PTPRT: variants seen among roughly 807,000 people sequenced by gnomAD.
PTPRT encodes the protein protein tyrosine phosphatase receptor type T.
PTPRT carries 56 observed loss-of-function variants against 176.8 expected under a neutral mutation model. That is an observed-to-expected ratio of 0.32 (90% CI 0.26 to 0.40). The LOEUF (loss-of-function observed/expected upper bound fraction) is 0.40, where lower values mean the gene tolerates loss of function less well. PTPRT is among the 10% of genes least tolerant of loss of function. The probability of loss-of-function intolerance (pLI) is 1.00; values close to 1 mark genes in which losing one functional copy is unlikely to be tolerated. For synonymous variants in PTPRT, 783 were observed against 739.0 expected, an observed-to-expected ratio of 1.06 and a Z score of -0.96; for missense variants, 1,540 against 1,908.2, an observed-to-expected ratio of 0.81 and a Z score of 3.60.
At chr20:42,507,853 CTT>C (rs5841463) in intron 7 of PTPRT, among the ~76,000 whole-genome samples, 35 of 139,132 alleles carry the variant, frequency 2.5e-4, no homozygotes, top group African/African-American at 6.6e-4. Flanking sequence ...ACTCACAGGA[CTT>C]TTTTTTTTTT....
chr20:42,038,306 G>A, the PTPRT span, among the ~76,000 whole-genome samples: 1 of 152,162 alleles, frequency 6.6e-6, no homozygotes, highest in Non-Finnish European at 1.5e-5. Context: ...AACCTAGAGT[G>A]TAATATAAGT....
intron 7 of PTPRT, among the ~76,000 whole-genome samples, chr20:42,583,487 TTGTCATGGCTGAACACTGACCTTCCAC>T (rs966512623): frequency 5.3e-5 from 8 of 152,154 alleles, no homozygotes; most frequent in African/African-American, 1.7e-4. Context: ...ACATTGGGCC[TTGTCATGGCTGAACACTGACCTTCCAC>T]TGTCATGGCT....
At chr20:42,965,393 T>A (rs936895485) in intron 1 of PTPRT, among the ~76,000 whole-genome samples, 3 of 152,174 alleles carry the variant, frequency 2.0e-5, no homozygotes, top group Admixed American at 6.5e-5. Flanking sequence ...ACAATAGACA[T>A]GAATAACCTC....
At chr20:42,184,575 T>TCTG (rs1555797986) in intron 16 of PTPRT, among the ~76,000 whole-genome samples, 98 of 138,968 alleles carry the variant, frequency 7.1e-4, no homozygotes, top group African/African-American at 2.6e-3. Context: ...TTCTTCTTCT[T>TCTG]CTTCTTCTTC....
At chr20:42,979,070 CTA>C (rs1444456109) in intron 1 of PTPRT, among the ~76,000 whole-genome samples, 1 of 152,132 alleles carries the variant, frequency 6.6e-6, no homozygotes, top group Non-Finnish European at 1.5e-5. Context: ...TGAAATAACA[CTA>C]TTGTTTAAAT....
intron 16 of PTPRT, among the ~76,000 whole-genome samples, chr20:42,166,822 G>A (rs1469234083): frequency 6.6e-6 from 1 of 152,118 alleles, no homozygotes; most frequent in Non-Finnish European, 1.5e-5. Flanking sequence ...TTGGGAGGCT[G>A]AGGCAGGGGA....
chr20:42,874,834 T>C (rs909522346), intron 2 of PTPRT, among the ~76,000 whole-genome samples: 1 of 152,220 alleles, frequency 6.6e-6, no homozygotes, highest in Non-Finnish European at 1.5e-5. Flanking sequence ...TTAAAAGACA[T>C]AGTGGTTTAT....
At chr20:42,282,285 T>C (rs2057152789) in intron 13 of PTPRT, among the ~76,000 whole-genome samples, 1 of 152,198 alleles carries the variant, frequency 6.6e-6, no homozygotes, top group Admixed American at 6.6e-5. Flanking sequence ...TCAGTAAATA[T>C]GTTTTAAACT....
At chr20:42,135,338 A>G (rs1276502988) in intron 18 of PTPRT, among the ~76,000 whole-genome samples, 1 of 152,268 alleles carries the variant, frequency 6.6e-6, no homozygotes, top group Non-Finnish European at 1.5e-5. Context: ...TAACACAACT[A>G]TATAAATTCA....
At position 42,199,371 on chromosome 20, in the gene PTPRT, T is replaced by C. The variant is rs1349766369; in HGVS notation, c.2360A>G (p.Gln787Arg). 1.9e-6 allele frequency: 3 copies of C among 1,613,774 alleles called. No homozygotes were observed. The Admixed American group carries it at 5.0e-5, about 27-fold the overall frequency. ...CTGGGCTCCACTCTGGGTCTCCTTC[T>C]GCTTCTTGGCCAGCTTCCTTTGGGA... ...YSYYLKLAKK[Q>R]KETQSGAQRE... The change falls in exon 16 of 31, where the codon CAG becomes CGG. Residue 787 changes from glutamine (Q) to arginine (R), a missense_variant. Transcript: ENST00000373187.
intron 9 of PTPRT, among the ~76,000 whole-genome samples, chr20:42,428,427 T>A (rs1282020676): frequency 6.6e-6 from 1 of 152,264 alleles, no homozygotes; most frequent in East Asian, 1.9e-4. Context: ...CATTTTGACA[T>A]TTCTGTGCAG....
At chr20:42,646,973 C>A in intron 7 of PTPRT, among the ~76,000 whole-genome samples, 1 of 139,108 alleles carries the variant, frequency 7.2e-6, no homozygotes, top group Non-Finnish European at 1.5e-5. Flanking sequence ...TGGTTCACTG[C>A]AGCCTTAATC....
chr20:42,074,733 A>G lies in PTPRT; in HGVS notation c.*6146T>C, dbSNP rs1420230202. ...GCCTCCTTTTAGAGACCTAACATTC[A>G]TGAGTGGATTTCAGTTGGTGAATGC... is the stretch of plus-strand genomic sequence containing the variant. On this transcript the variant is annotated 3_prime_UTR_variant, in exon 31 of 31. Transcript: ENST00000373187. 1.5e-5 allele frequency: 6 copies of G among 398,468 alleles called. No homozygotes were observed. The highest frequency in any genetic ancestry group is 4.1e-5 in the African/African-American group (2 of 48,602). 24.7% of individuals were successfully genotyped at this position (398,468 alleles called of 1,614,324 possible).
At chr20:43,108,801 C>T (rs2012730792) in intron 1 of PTPRT, among the ~76,000 whole-genome samples, 1 of 152,106 alleles carries the variant, frequency 6.6e-6, no homozygotes, top group South Asian at 2.1e-4. Context: ...GTGTTAAAAT[C>T]ACTGCTCTGA....
chr20:43,056,465 G>A (rs1179518720), intron 1 of PTPRT, among the ~76,000 whole-genome samples: 2 of 152,242 alleles, frequency 1.3e-5, no homozygotes, highest in Non-Finnish European at 2.9e-5. Context: ...GTACAGGGAA[G>A]TTTAAGATCA....
chr20:42,810,055 G>T (rs950998727), intron 2 of PTPRT, among the ~76,000 whole-genome samples: 1 of 152,178 alleles, frequency 6.6e-6, no homozygotes, highest in African/African-American at 2.4e-5. Flanking sequence ...CACTTTGGGA[G>T]GCCGAAGTGG....
chr20:42,516,621 C>T (rs1312123264), intron 7 of PTPRT, among the ~76,000 whole-genome samples: 1 of 152,056 alleles, frequency 6.6e-6, no homozygotes, highest in Non-Finnish European at 1.5e-5. Flanking sequence ...TTTTTACATA[C>T]TTAGGTGTTC....
At chr20:42,955,541 A>G (rs888366920) in intron 1 of PTPRT, among the ~76,000 whole-genome samples, 1 of 152,192 alleles carries the variant, frequency 6.6e-6, no homozygotes, top group African/African-American at 2.4e-5. Flanking sequence ...CATAACCGTA[A>G]TTAGTATGAT....
At position 42,619,104 on chromosome 20, in the gene PTPRT, C is replaced by T. The variant is rs946450628; in HGVS notation, c.1153+58762G>A. Among the ~76,000 whole-genome samples the T allele has an allele frequency of 2.2e-3, 337 of 150,548 alleles. 1 individual carries two copies. Among genetic ancestry groups the T allele is most frequent in the African/African-American group, 8.0e-3 (323 of 40,504 alleles). Reference sequence around the variant, plus strand: ...CGGTTGCTCCTTTCCATGTTTAGCGCTTCCTTCAGGAGCTCTTTTAGGGCA... The same window carrying T: ...CGGTTGCTCCTTTCCATGTTTAGCGTTTCCTTCAGGAGCTCTTTTAGGGCA... On this transcript the variant is annotated intron_variant, in intron 7 of 30. Transcript: ENST00000373187.
Sources: gnomAD v4.1 joint callset for allele counts (sites outside exome capture counted in the v4.1 genomes callset) on GRCh38, gnomAD v4.1.1 for gene constraint, MANE v1.5 for transcripts, NCBI Gene and HGNC (gene_info 2026-07-23, HGNC 2026-07-21) for gene names.